BNC2: variants seen among roughly 807,000 people sequenced by gnomAD.
BNC2 encodes the protein zinc finger protein basonuclin-2.
In BNC2, 20 loss-of-function variants were observed where a neutral mutation model predicts 76.3. The observed-to-expected ratio is 0.26, with a 90% CI of 0.18 to 0.38. BNC2 has a LOEUF of 0.38. BNC2 is among the 10% of genes least tolerant of loss of function. BNC2 has a pLI of 1.00. For synonymous variants in BNC2, 582 were observed against 514.8 expected (o/e 1.13, Z -1.77); for missense variants, 1,382 against 1,399.8 (o/e 0.99, Z 0.20).
chr9:16,821,592 G>T (rs1055784010), intron 1 of BNC2, among the ~76,000 whole-genome samples: 2 of 152,158 alleles, frequency 1.3e-5, no homozygotes, highest in African/African-American at 4.8e-5. Flanking sequence ...AACAGCAAGA[G>T]GTTACAACAT....
intron 3 of BNC2, among the ~76,000 whole-genome samples, chr9:16,693,984 T>C (rs1020445042): frequency 6.6e-6 from 1 of 152,192 alleles, no homozygotes; most frequent in Non-Finnish European, 1.5e-5. Flanking sequence ...TGAAGATGTA[T>C]TTACCTCTAA....
intron 1 of BNC2, among the ~76,000 whole-genome samples, chr9:16,843,978 G>T (rs981928590): frequency 7.9e-5 from 12 of 152,042 alleles, no homozygotes; most frequent in African/African-American, 2.9e-4. Context: ...TGTTGTTGTT[G>T]TTGTTCATTT....
intron 6 of BNC2, among the ~76,000 whole-genome samples, chr9:16,424,942 C>G (rs1820776421): frequency 6.6e-6 from 1 of 152,070 alleles, no homozygotes; most frequent in South Asian, 2.1e-4. Flanking sequence ...GACACTATAC[C>G]TTTCTGTAAA....
chr9:16,486,937 C>A (rs953919250), intron 5 of BNC2, among the ~76,000 whole-genome samples: 1 of 152,116 alleles, frequency 6.6e-6, no homozygotes, highest in Non-Finnish European at 1.5e-5. Flanking sequence ...GCTGGTCTCT[C>A]GGATCATGCA....
chr9:16,436,914 T>C lies in BNC2; in HGVS notation c.1280A>G (p.His427Arg), dbSNP rs1031974425. The change falls in exon 6 of 7, where the codon CAT becomes CGT. Residue 427 changes from histidine (H) to arginine (R), a missense_variant. By Grantham distance (29) the His-to-Arg change is conservative (BLOSUM62 0). This residue lies in a region of BNC2 where 557 missense variants were observed against 540.9 expected (regional missense o/e 1.03). Transcript: ENST00000380672. The part of the protein sequence containing the change: ...TEHPKSSFRI[H>R]RMRRMGSASR... The stretch of plus-strand genomic sequence containing the variant: ...GGCTGACCCCATCCTTCTCATCCGA[T>C]GAATCCGGAATGAGCTTTTTGGGTG... The C allele has an allele frequency of 6.2e-7, 1 of 1,614,060 alleles. No homozygotes were observed. Among genetic ancestry groups the C allele is most frequent in the Non-Finnish European group, 8.5e-7 (1 of 1,180,044 alleles).
At position 16,641,062 on chromosome 9, in the gene BNC2, T is replaced by C. The variant is rs114208348; in HGVS notation, c.331-57977A>G. Among the ~76,000 whole-genome samples the C allele has an allele frequency of 4.7e-3, 721 of 152,228 alleles. 9 individuals are homozygous for C. The highest frequency in any genetic ancestry group is 0.017 in the African/African-American group (690 of 41,534). On this transcript the variant is annotated intron_variant, in intron 3 of 6. Transcript: ENST00000380672. The stretch of plus-strand genomic sequence containing the variant: ...GACCTTAGAAATGCTCACAGAGAAA[T>C]GCATGAGAATTACTGGATAAAGTAA...
chr9:16,569,810 C>A (rs1210547501), intron 4 of BNC2, among the ~76,000 whole-genome samples: 1 of 152,176 alleles, frequency 6.6e-6, no homozygotes, highest in Non-Finnish European at 1.5e-5. Context: ...ACTGAATCTA[C>A]TTGCTGAAAC....
At chr9:16,759,331 GTA>G (rs1240735452) in intron 1 of BNC2, among the ~76,000 whole-genome samples, 4 of 152,156 alleles carry the variant, frequency 2.6e-5, no homozygotes, top group African/African-American at 9.7e-5. Context: ...TTCAAGAACA[GTA>G]TGTTTTCTGT....
intron 1 of BNC2, among the ~76,000 whole-genome samples, chr9:16,870,275 C>T (rs1368216382): frequency 6.6e-6 from 1 of 152,170 alleles, no homozygotes; most frequent in Non-Finnish European, 1.5e-5. Context: ...CATTCATCCC[C>T]CACTCCCCTC....
At chr9:16,767,602 G>C (rs1415475522) in intron 1 of BNC2, among the ~76,000 whole-genome samples, 1 of 152,180 alleles carries the variant, frequency 6.6e-6, no homozygotes, top group African/African-American at 2.4e-5. Context: ...AAAAGTATGA[G>C]AGGGTTGTAT....
At chr9:16,490,509 T>C (rs546738960) in intron 5 of BNC2, among the ~76,000 whole-genome samples, 69 of 152,212 alleles carry the variant, frequency 4.5e-4, no homozygotes, top group Non-Finnish European at 8.8e-4. Flanking sequence ...TTTCATCTAA[T>C]ACACACCTTT....
intron 5 of BNC2, among the ~76,000 whole-genome samples, chr9:16,538,456 C>G (rs1462821183): frequency 6.6e-6 from 1 of 152,152 alleles, no homozygotes; most frequent in African/African-American, 2.4e-5. Flanking sequence ...CCACAGAGAT[C>G]GTCTCGTTCT....
chr9:16,453,626 T>G (rs1821387431), intron 5 of BNC2, among the ~76,000 whole-genome samples: 1 of 152,128 alleles, frequency 6.6e-6, no homozygotes, highest in Non-Finnish European at 1.5e-5. Context: ...AAAGTGCACC[T>G]CTGACCACAT....
intron 1 of BNC2, among the ~76,000 whole-genome samples, chr9:16,859,503 A>T (rs942651592): frequency 3.3e-5 from 5 of 152,248 alleles, no homozygotes; most frequent in African/African-American, 4.8e-5. Context: ...ATGATGAAAT[A>T]TTATTTAGCC....
chr9:16,798,248 T>C (rs1378253477), intron 1 of BNC2, among the ~76,000 whole-genome samples: 2 of 152,190 alleles, frequency 1.3e-5, no homozygotes, highest in African/African-American at 4.8e-5. Context: ...ATTAAAACCA[T>C]ATATCTTTGA....
chr9:16,435,472 A>C, intron 6 of BNC2, 83 bp downstream of exon 6: 1 of 1,508,340 alleles, frequency 6.6e-7, no homozygotes, highest in Non-Finnish European at 9.2e-7. Context: ...TCTAAGTTGG[A>C]TTTCTTTTAG....
intron 5 of BNC2, among the ~76,000 whole-genome samples, chr9:16,479,933 T>C (rs1236905968): frequency 1.3e-5 from 2 of 152,220 alleles, no homozygotes; most frequent in African/African-American, 2.4e-5. Flanking sequence ...TTAAAATTAT[T>C]TGCAAGCTAC....
At chr9:16,471,812 G>C (rs1316287889) in intron 5 of BNC2, among the ~76,000 whole-genome samples, 1 of 152,232 alleles carries the variant, frequency 6.6e-6, no homozygotes, top group South Asian at 2.1e-4. Context: ...ATCTCAACTT[G>C]AGCTGTATCT....
At chr9:16,546,536 G>T (rs1482007410) in intron 5 of BNC2, among the ~76,000 whole-genome samples, 1 of 152,118 alleles carries the variant, frequency 6.6e-6, no homozygotes, top group Non-Finnish European at 1.5e-5. Context: ...TCAAAGACCG[G>T]AATTTACAAT....
Sources: allele counts gnomAD v4.1 joint callset (sites outside exome capture counted in the v4.1 genomes callset), GRCh38; gene constraint gnomAD v4.1.1; regional missense constraint gnomAD v4.1.1; transcripts MANE v1.5; gene names NCBI Gene and HGNC (gene_info 2026-07-23, HGNC 2026-07-21).